Variants in DNER observed in about 807,000 individuals in gnomAD.
The protein encoded by DNER is delta and Notch-like epidermal growth factor-related receptor.
DNER carries 33 observed loss-of-function variants against 78.2 expected under a neutral mutation model. The observed-to-expected ratio is 0.42, with a 90% CI of 0.32 to 0.56. The LOEUF (loss-of-function observed/expected upper bound fraction) is 0.56. Ranked by LOEUF, DNER falls within the 20% of genes least tolerant of loss-of-function variation. DNER has a pLI of 0.11. For synonymous variants in DNER, 417 were observed against 384.8 expected (o/e 1.08, Z -0.98); for missense variants, 918 against 975.3 (o/e 0.94, Z 0.78).
At chr2:229,635,361 GAAAAAAAAAAA>G (rs58220819) in intron 1 of DNER, among the ~76,000 whole-genome samples, 1,150 of 85,896 alleles carry the variant, frequency 0.013, 14 homozygotes, top group Middle Eastern at 0.06. Context: ...GGTCCCACAG[GAAAAAAAAAAA>G]AAAAAAAAAA....
At chr2:229,592,389 T>C (rs1345653417) in intron 1 of DNER, among the ~76,000 whole-genome samples, 1 of 152,180 alleles carries the variant, frequency 6.6e-6, no homozygotes, top group African/African-American at 2.4e-5. Context: ...CGGTCAACAA[T>C]ACTTTTTAAG....
chr2:229,611,306 G>T (rs2154215185), intron 1 of DNER, among the ~76,000 whole-genome samples: 1 of 152,042 alleles, frequency 6.6e-6, no homozygotes, highest in Non-Finnish European at 1.5e-5. Flanking sequence ...AATGCCTTTT[G>T]GCCTGAAGCA....
At chr2:229,509,106 G>A (rs904092509) in intron 6 of DNER, among the ~76,000 whole-genome samples, 11 of 152,240 alleles carry the variant, frequency 7.2e-5, no homozygotes, top group Middle Eastern at 3.4e-3. Flanking sequence ...TAGGCTATGC[G>A]TGAACAAGAT....
chr2:229,381,913 A>G (rs894251893), intron 11 of DNER, among the ~76,000 whole-genome samples: 3 of 152,222 alleles, frequency 2.0e-5, no homozygotes, highest in Non-Finnish European at 4.4e-5. Flanking sequence ...CTCCCAGCAC[A>G]GCACTTGAGC....
intron 1 of DNER, among the ~76,000 whole-genome samples, chr2:229,700,073 A>T (rs1052425795): frequency 1.4e-5 from 2 of 147,806 alleles, no homozygotes; most frequent in African/African-American, 5.0e-5. Flanking sequence ...AATTTCATTA[A>T]AAAAAAAAAA....
intron 1 of DNER, among the ~76,000 whole-genome samples, chr2:229,666,167 T>C (rs1699089361): frequency 6.6e-6 from 1 of 152,178 alleles, no homozygotes; most frequent in Non-Finnish European, 1.5e-5. Flanking sequence ...CATTCATTCA[T>C]TATGCTCTTT....
chr2:229,680,064 G>C (rs890671412), intron 1 of DNER, among the ~76,000 whole-genome samples: 13 of 152,188 alleles, frequency 8.5e-5, no homozygotes, highest in Admixed American at 6.5e-4. Flanking sequence ...ACACAATCAT[G>C]AAGTAGTAAT....
At position 229,476,458 on chromosome 2, in the gene DNER, A is replaced by C. The variant is rs535112813; in HGVS notation, c.1261+682T>G. ...TAATCTCTGCAGAGGATGTGACTCT[A>C]TGTAGTTGTCAATGTTACTTCTGTG... On this transcript the variant is annotated intron_variant, in intron 7 of 12. Coordinates refer to ENST00000341772, the MANE Select transcript of DNER (RefSeq NM_139072.4). Among the ~76,000 whole-genome samples the C allele has an allele frequency of 2.6e-5, 4 of 152,290 alleles. No individual in the cohort carries two copies. The South Asian group carries it at 8.3e-4, about 32-fold the overall frequency.
rs151211516 is a variant in DNER at position 229,594,218 on chromosome 2, C to G, written c.277-2330G>C. On this transcript the variant is annotated intron_variant, in intron 1 of 12. Coordinates refer to ENST00000341772, the MANE Select transcript of DNER (RefSeq NM_139072.4). Reference sequence around the variant, plus strand: ...AGCCGTTTTGAGTTTTCAAAGGACACTCCATAGAGTAACTTCTCTTCATGC... The same window carrying G: ...AGCCGTTTTGAGTTTTCAAAGGACAGTCCATAGAGTAACTTCTCTTCATGC... Among the ~76,000 whole-genome samples, 140 of 152,362 alleles carry G rather than the reference C, an allele frequency of 9.2e-4. 1 individual carries two copies. The highest frequency in any genetic ancestry group is 3.2e-3 in the African/African-American group (135 of 41,584).
intron 5 of DNER, among the ~76,000 whole-genome samples, chr2:229,540,383 G>A (rs1296120451): frequency 6.6e-6 from 1 of 152,130 alleles, no homozygotes; most frequent in Non-Finnish European, 1.5e-5. Context: ...TATGGTGTGT[G>A]TGTCACTCAG....
At chr2:229,573,398 T>G (rs775745149) in intron 4 of DNER, among the ~76,000 whole-genome samples, 43 of 152,216 alleles carry the variant, frequency 2.8e-4, no homozygotes, top group Non-Finnish European at 5.4e-4. Context: ...AATTTTCTTC[T>G]GCTGACATGT....
chr2:229,371,849 C>T (rs1027591952), intron 11 of DNER, among the ~76,000 whole-genome samples: 1 of 152,088 alleles, frequency 6.6e-6, no homozygotes, highest in Non-Finnish European at 1.5e-5. Context: ...GTTAAAAATA[C>T]CTATGTTATT....
intron 6 of DNER, among the ~76,000 whole-genome samples, chr2:229,494,331 A>G (rs1411697280): frequency 6.6e-6 from 1 of 152,198 alleles, no homozygotes; most frequent in Non-Finnish European, 1.5e-5. Flanking sequence ...ATTCCTCTCC[A>G]CACATGGACC....
chr2:229,547,229 C>T, intron 4 of DNER, 137 bp from the exon 5 acceptor site: 1 of 1,236,858 alleles, frequency 8.1e-7, no homozygotes, highest in South Asian at 1.5e-5. Flanking sequence ...AAACAAAATG[C>T]AGTGAGGCAA....
chr2:229,367,499 G>A (rs1692377939), intron 11 of DNER, among the ~76,000 whole-genome samples: 1 of 152,114 alleles, frequency 6.6e-6, no homozygotes, highest in Non-Finnish European at 1.5e-5. Flanking sequence ...TACTCGGGAG[G>A]CTGAGGCAGT....
At chr2:229,390,366 C>G (rs1692988160) in intron 10 of DNER, among the ~76,000 whole-genome samples, 1 of 152,232 alleles carries the variant, frequency 6.6e-6, no homozygotes, top group Non-Finnish European at 1.5e-5. Flanking sequence ...TCTATGCAGT[C>G]CCAGGGCTAT....
chr2:229,541,459 A>C (rs998906653), intron 5 of DNER, among the ~76,000 whole-genome samples: 6 of 152,182 alleles, frequency 3.9e-5, no homozygotes, highest in Non-Finnish European at 5.9e-5. Context: ...GAAATCAGTA[A>C]GTTTAATATA....
At chr2:229,681,151 C>T (rs1048624981) in intron 1 of DNER, among the ~76,000 whole-genome samples, 2 of 152,162 alleles carry the variant, frequency 1.3e-5, no homozygotes, top group Non-Finnish European at 2.9e-5. Flanking sequence ...TGGCCAATAC[C>T]AACATGATAT....
chr2:229,598,056 C>T (rs1006929573), intron 1 of DNER, among the ~76,000 whole-genome samples: 5 of 152,182 alleles, frequency 3.3e-5, no homozygotes, highest in African/African-American at 1.2e-4. Context: ...ATATCCTCTG[C>T]GGCGTACAAA....
Sources: allele counts gnomAD v4.1 joint callset (sites outside exome capture counted in the v4.1 genomes callset), GRCh38; gene constraint gnomAD v4.1.1; transcripts MANE v1.5; gene names NCBI Gene and HGNC (gene_info 2026-07-23, HGNC 2026-07-21).